NUP205: variants seen among roughly 807,000 people sequenced by gnomAD.
NUP205 encodes the protein nuclear pore complex protein Nup205.
A neutral mutation model predicts 253.8 loss-of-function variants in NUP205; 76 were observed. That is an observed-to-expected ratio of 0.30 (90% CI 0.25 to 0.36). NUP205 has a LOEUF of 0.36. NUP205 is among the 10% of genes least tolerant of loss of function. The pLI, the probability that NUP205 is intolerant of heterozygous loss-of-function variation, is 1.00. For synonymous variants in NUP205, 832 were observed against 850.1 expected (o/e 0.98, Z 0.37); for missense variants, 2,162 against 2,425.5 (o/e 0.89, Z 2.28).
chr7:135,562,228 A>G (rs1805601510), intron 1 of NUP205, among the ~76,000 whole-genome samples: 1 of 151,932 alleles, frequency 6.6e-6, no homozygotes, highest in Non-Finnish European at 1.5e-5. Flanking sequence ...ACAGGGGCTC[A>G]TTCTGTCGCC....
At chr7:135,612,205 A>G (rs1181005090) in intron 22 of NUP205, among the ~76,000 whole-genome samples, 1 of 152,234 alleles carries the variant, frequency 6.6e-6, no homozygotes, top group Non-Finnish European at 1.5e-5. Context: ...GTTGTGTTTT[A>G]TAAAGTCATT....
At chr7:135,632,528 T>G (rs1794734393) in intron 35 of NUP205, among the ~76,000 whole-genome samples, 1 of 152,030 alleles carries the variant, frequency 6.6e-6, no homozygotes, top group South Asian at 2.1e-4. Flanking sequence ...AATAATTTTT[T>G]TTGTCTGGGC....
At chr7:135,636,707 T>C (rs935831573) in intron 36 of NUP205, among the ~76,000 whole-genome samples, 7 of 152,220 alleles carry the variant, frequency 4.6e-5, no homozygotes, top group African/African-American at 1.4e-4. Context: ...ATGTTTTGCC[T>C]TATCGAAACT....
Position 135,588,725 on chromosome 7 carries a change from T to C in NUP205, c.1473+733T>C, listed in dbSNP as rs549368724. On this transcript the variant is annotated intron_variant, in intron 10 of 42. Coordinates refer to ENST00000285968, the MANE Select transcript of NUP205 (RefSeq NM_015135.3). ...TTGAATTTTATTAGTATTTTAGTTCTCCATAGGCATGACAATCTTTTCAAG... is the reference window on the plus strand; with the variant it reads ...TTGAATTTTATTAGTATTTTAGTTCCCCATAGGCATGACAATCTTTTCAAG... Among the ~76,000 whole-genome samples the C allele has an allele frequency of 8.6e-5, 13 of 151,340 alleles. No individual in the cohort carries two copies. The East Asian group carries it at 2.5e-3, about 29-fold the overall frequency.
intron 25 of NUP205, 24 bp from the exon 26 acceptor site, chr7:135,617,066 C>A: frequency 6.4e-7 from 1 of 1,564,116 alleles, no homozygotes; most frequent in South Asian, 1.2e-5. Flanking sequence ...CAAGTAAAAT[C>A]AAATTACTTT....
rs141300869 is a variant in NUP205, at chr7:135,609,716, C to G, written c.3195+2345C>G. ...GGCATGGATATTTTTCTTTGTTAAT[C>G]TCCTGCTTTTCTTTTTGTAATTCTT... On this transcript the variant is annotated intron_variant, in intron 22 of 42. Coordinates refer to ENST00000285968, the MANE Select transcript of NUP205 (RefSeq NM_015135.3). 1.4e-3 allele frequency among the ~76,000 whole-genome samples: 207 copies of G among 151,878 alleles called. No homozygotes were observed. The East Asian group carries it at 0.014, about 11-fold the overall frequency.
At chr7:135,601,568 C>G in intron 17 of NUP205, 61 bp downstream of exon 17, 1 of 1,535,248 alleles carries the variant, frequency 6.5e-7, no homozygotes, top group South Asian at 1.2e-5. Context: ...CTTTTGTAAA[C>G]TGAGAATTTG....
At chr7:135,607,836 C>G (rs28617486) in intron 22 of NUP205, among the ~76,000 whole-genome samples, 2,572 of 151,990 alleles carry the variant, frequency 0.017, 89 homozygotes, top group African/African-American at 0.058. Flanking sequence ...AGGGGTCTCA[C>G]TGTCACCCAG....
At chr7:135,558,777 G>A (rs1056800926) in intron 1 of NUP205, among the ~76,000 whole-genome samples, 1 of 152,200 alleles carries the variant, frequency 6.6e-6, no homozygotes, top group African/African-American at 2.4e-5. Context: ...AAATAATTTG[G>A]TGCCTAGAAT....
chr7:135,573,849 A>T, intron 3 of NUP205, 24 bp downstream of exon 3: 1 of 1,583,494 alleles, frequency 6.3e-7, no homozygotes, highest in Non-Finnish European at 8.6e-7. Context: ...TAACTGAAAC[A>T]GTGGTAAAAT....
At chr7:135,592,167 T>G (rs1396761396) in intron 11 of NUP205, among the ~76,000 whole-genome samples, 2 of 152,240 alleles carry the variant, frequency 1.3e-5, no homozygotes, top group Non-Finnish European at 2.9e-5. Flanking sequence ...TGATGGGAGC[T>G]GAAATCGGCT....
At chr7:135,616,181 G>T in intron 24 of NUP205, 116 bp downstream of exon 24, 2 of 937,678 alleles carry the variant, frequency 2.1e-6, no homozygotes, top group South Asian at 2.4e-5. Context: ...CTCACTTTTA[G>T]AATTTTTTTT....
At chr7:135,602,639 CAATG>C (rs1397538175) in intron 17 of NUP205, among the ~76,000 whole-genome samples, 162 bp from the exon 18 acceptor site, 1 of 152,156 alleles carries the variant, frequency 6.6e-6, no homozygotes, top group African/African-American at 2.4e-5. Flanking sequence ...AATTTTGAAA[CAATG>C]AGAGCATAAA....
intron 30 of NUP205, among the ~76,000 whole-genome samples, chr7:135,621,660 T>C (rs1794472247): frequency 6.6e-6 from 1 of 152,210 alleles, no homozygotes; most frequent in Admixed American, 6.5e-5. Flanking sequence ...CATTGTATAA[T>C]GGTTGTGCTT....
At chr7:135,577,234 C>G in intron 5 of NUP205, 106 bp downstream of exon 5, 1 of 1,114,210 alleles carries the variant, frequency 9.0e-7, no homozygotes, top group Non-Finnish European at 1.3e-6. Flanking sequence ...GTAGCTGATA[C>G]CATGCCTGAT....
chr7:135,647,569 G>A (rs912013292), intron 42 of NUP205, among the ~76,000 whole-genome samples: 4 of 152,170 alleles, frequency 2.6e-5, no homozygotes, highest in Non-Finnish European at 4.4e-5. Context: ...ACCCAGGCTG[G>A]CATGCAGTGG....
Position 135,594,711 on chromosome 7 carries a change from G to A in NUP205, c.1995G>A (p.Gln665=). 1 of 1,613,042 alleles carries A rather than the reference G, an allele frequency of 6.2e-7. No homozygotes were observed. Among genetic ancestry groups the A allele is most frequent in the South Asian group, 1.1e-5 (1 of 90,886 alleles). The change falls in exon 13 of 43, where the codon CAG becomes CAA. Residue 665 remains glutamine, a synonymous_variant. Coordinates refer to ENST00000285968, the MANE Select transcript of NUP205 (RefSeq NM_015135.3). ...CTGAAATTGCTGCTTCCCTCTGGCA[G>A]TCATTGGAATACACTCAGGTAGGGC... is the stretch of plus-strand genomic sequence containing the variant. ...KSPEIAASLW[Q]SLEYTQILQT...
chr7:135,584,564 A>G (rs1806404676), intron 7 of NUP205, among the ~76,000 whole-genome samples: 1 of 152,240 alleles, frequency 6.6e-6, no homozygotes, highest in South Asian at 2.1e-4. Flanking sequence ...TGCATCACAC[A>G]TCTCTAAAAT....
In NUP205 at chr7:135,625,203, G is replaced by C; in HGVS notation, c.4519G>C (p.Asp1507His). 6.2e-7 allele frequency: 1 copy of C among 1,613,718 alleles called. No individual in the cohort carries two copies. Reference sequence around the variant, plus strand: ...TCTACTTGATAGAATTGTCTCCGTGGATAAACAGCAGCAGTGGCTTTTGTA... The same window carrying C: ...TCTACTTGATAGAATTGTCTCCGTGCATAAACAGCAGCAGTGGCTTTTGTA... ...LALLDRIVSVDKQQQWLLYLS... is the reference protein window; with the variant it reads ...LALLDRIVSVHKQQQWLLYLS... Residue 1507 changes from aspartate (D) to histidine (H), a missense_variant, in exon 32 of 43, where the codon GAT becomes CAT. Coordinates refer to ENST00000285968, the MANE Select transcript of NUP205 (RefSeq NM_015135.3).
Sources: allele counts gnomAD v4.1 joint callset (sites outside exome capture counted in the v4.1 genomes callset), GRCh38; gene constraint gnomAD v4.1.1; transcripts MANE v1.5; gene names NCBI Gene and HGNC (gene_info 2026-07-23, HGNC 2026-07-21).